The following ACACA variants were observed in gnomAD, a reference collection of about 807,000 sequenced individuals.
The protein encoded by ACACA is acetyl-CoA carboxylase 1.
Under a neutral mutation model 296.1 loss-of-function variants are expected in ACACA, and 103 were observed. That is an observed-to-expected ratio of 0.35 (90% CI 0.30 to 0.41). The LOEUF (loss-of-function observed/expected upper bound fraction) is 0.41, where lower values mean the gene tolerates loss of function less well. ACACA is among the 10% of genes least tolerant of loss of function. The pLI is 1.00. For synonymous variants in ACACA, 953 were observed against 1,038.6 expected, an observed-to-expected ratio of 0.92 and a Z score of 1.58; for missense variants, 1,554 against 2,989.7, an observed-to-expected ratio of 0.52 and a Z score of 11.20.
Position 37,151,375 on chromosome 17 carries a change from C to T in ACACA, c.5494G>A (p.Glu1832Lys), listed in dbSNP as rs751832882. The T allele has an allele frequency of 1.2e-5, 19 of 1,613,592 alleles. No individual in the cohort carries two copies. The highest frequency in any genetic ancestry group is 1.5e-5 in the Non-Finnish European group (18 of 1,179,728). ...IIGKEEGIGP[E>K]NLRGSGMIAG... ...ATCATTCCAGAACCTCGAAGGTTCT[C>T]GGGTCCAATTCCCTCTTCTTTCCCA... The change falls in exon 44 of 56, where the codon GAG becomes AAG. Residue 1832 changes from glutamate (E) to lysine (K), a missense_variant. Glu to Lys is a moderately conservative substitution (Grantham distance 56). Transcript: ENST00000616317.
intron 1 of ACACA, among the ~76,000 whole-genome samples, chr17:37,371,373 C>T (rs1336431520): frequency 1.3e-4 from 19 of 151,704 alleles, no homozygotes; most frequent in Admixed American, 1.1e-3. Context: ...CCACGACGCC[C>T]GGCTGATAGT....
intron 1 of ACACA, among the ~76,000 whole-genome samples, chr17:37,404,062 T>C (rs949327972): frequency 1.3e-5 from 2 of 152,204 alleles, no homozygotes; most frequent in Non-Finnish European, 2.9e-5. Context: ...AATGAGCCAC[T>C]GTGCCTGGCC....
At chr17:37,359,092 C>G in intron 1 of ACACA, 1 of 985,778 alleles carries the variant, frequency 1.0e-6, no homozygotes, top group Non-Finnish European at 1.2e-6. Flanking sequence ...CGGGCGATGG[C>G]TGACAGGCGT....
chr17:37,320,551 T>G (rs2047306763), intron 3 of ACACA, among the ~76,000 whole-genome samples: 1 of 151,328 alleles, frequency 6.6e-6, no homozygotes, highest in Admixed American at 6.6e-5. Context: ...AGGTTTTAGT[T>G]TAGTGTAGTA....
intron 16 of ACACA, among the ~76,000 whole-genome samples, chr17:37,251,520 T>TA (rs1433978651): frequency 2.0e-5 from 3 of 152,240 alleles, no homozygotes; most frequent in African/African-American, 7.2e-5. Context: ...AGGCAGAGCT[T>TA]AGTCTCCTCA....
chr17:37,146,657 A>C (rs1310667758), intron 45 of ACACA, among the ~76,000 whole-genome samples: 1 of 13,842 alleles, frequency 7.2e-5, no homozygotes, highest in Admixed American at 9.6e-4. Context: ...GATGTGTAAG[A>C]GGTGGGGGGG....
intron 25 of ACACA, among the ~76,000 whole-genome samples, chr17:37,233,354 G>A (rs2079953959): frequency 6.6e-6 from 1 of 152,168 alleles, no homozygotes; most frequent in Non-Finnish European, 1.5e-5. Context: ...TAAGGCAAGC[G>A]TTACTTACAA....
In ACACA at chr17:37,103,529, C is replaced by T. The variant is rs79988670; in HGVS notation, c.6566-5545G>A. The stretch of plus-strand genomic sequence containing the variant: ...GTGTGTGAGTGTGTTTAAGAATATG[C>T]TACAGAGAGAAAAGTCATTCTTTTC... On this transcript the variant is annotated intron_variant, in intron 52 of 55. Transcript: ENST00000616317. Among the ~76,000 whole-genome samples, 227 of 152,212 alleles carry T rather than the reference C, an allele frequency of 1.5e-3. 5 individuals are homozygous for T. In the East Asian group the frequency reaches 0.039, roughly 26 times the overall value.
intron 33 of ACACA, 113 bp from the exon 34 acceptor site, chr17:37,200,596 T>C: frequency 1.0e-6 from 1 of 973,442 alleles, no homozygotes; most frequent in Non-Finnish European, 1.6e-6. Context: ...TTTTTGGATA[T>C]CCTTATCTTA....
chr17:37,085,519 C>T lies in ACACA; in HGVS notation c.*1797G>A, dbSNP rs1036313397. The stretch of plus-strand genomic sequence containing the variant: ...AGAATAATCTGGTCAAAAATGAATC[C>T]AATTCTTACTAGGTAAGCAAATAGC... On this transcript the variant is annotated 3_prime_UTR_variant, in exon 56 of 56. Coordinates refer to ENST00000616317, the MANE Select transcript of ACACA (RefSeq NM_198834.3). 2 of 398,160 alleles carry T rather than the reference C, an allele frequency of 5.0e-6. No homozygotes were observed. Among genetic ancestry groups the T allele is most frequent in the Non-Finnish European group, 4.4e-6 (1 of 226,068 alleles). The allele number at this position is 398,160 out of a possible 1,614,324, so 24.7% of individuals were successfully genotyped here.
intron 40 of ACACA, among the ~76,000 whole-genome samples, chr17:37,180,101 AG>A (rs2077262592): frequency 6.6e-6 from 1 of 152,222 alleles, no homozygotes; most frequent in South Asian, 2.1e-4. Context: ...TTGAATCCCA[AG>A]TGACTCATAC....
At chr17:37,267,241 G>T (rs564265406) in intron 10 of ACACA, among the ~76,000 whole-genome samples, 1 of 152,174 alleles carries the variant, frequency 6.6e-6, no homozygotes. Context: ...AATTCATGCA[G>T]CTATAGTCAT....
intron 39 of ACACA, among the ~76,000 whole-genome samples, chr17:37,187,395 C>T (rs1269865858): frequency 1.3e-5 from 2 of 152,206 alleles, no homozygotes; most frequent in African/African-American, 4.8e-5. Context: ...TAGACTGAAA[C>T]CCTTGTTTAT....
At chr17:37,343,519 C>G (rs2048478459) in intron 1 of ACACA, among the ~76,000 whole-genome samples, 1 of 151,936 alleles carries the variant, frequency 6.6e-6, no homozygotes, top group Non-Finnish European at 1.5e-5. Context: ...GTAATCCCAG[C>G]ACTTTGGGAG....
intron 1 of ACACA, among the ~76,000 whole-genome samples, chr17:37,353,511 C>G (rs992950855): frequency 6.6e-6 from 1 of 151,386 alleles, no homozygotes; most frequent in Non-Finnish European, 1.5e-5. Context: ...TGGTGGTGTG[C>G]GCCTATAATC....
intron 38 of ACACA, 85 bp from the exon 39 acceptor site, chr17:37,188,565 GGGGT>G: frequency 1.4e-6 from 2 of 1,448,168 alleles, no homozygotes; most frequent in Admixed American, 3.7e-5. Context: ...TGAGAAAGAA[GGGGT>G]AAAAAAAAAA....
At chr17:37,109,344 C>T (rs1473118106) in intron 52 of ACACA, among the ~76,000 whole-genome samples, 1 of 152,150 alleles carries the variant, frequency 6.6e-6, no homozygotes, top group Non-Finnish European at 1.5e-5. Flanking sequence ...GATAATGATG[C>T]AATGAAGTAA....
intron 1 of ACACA, among the ~76,000 whole-genome samples, chr17:37,391,031 G>A (rs1219868359): frequency 6.6e-6 from 1 of 152,088 alleles, no homozygotes. Context: ...ATGAGGTCAG[G>A]AGTTTGAGAC....
At chr17:37,363,891 G>A (rs2049510604) in intron 1 of ACACA, among the ~76,000 whole-genome samples, 1 of 152,102 alleles carries the variant, frequency 6.6e-6, no homozygotes, top group African/African-American at 2.4e-5. Flanking sequence ...GGGAGGACGA[G>A]GCGGGTGGAT....
Sources: allele counts gnomAD v4.1 joint callset (sites outside exome capture counted in the v4.1 genomes callset), GRCh38; gene constraint gnomAD v4.1.1; transcripts MANE v1.5; gene names NCBI Gene and HGNC (gene_info 2026-07-23, HGNC 2026-07-21).